The following SNX29 variants were observed in gnomAD, a reference collection of about 807,000 sequenced individuals.
SNX29 encodes sorting nexin-29.
SNX29 carries 78 observed loss-of-function variants against 102.1 expected under a neutral mutation model. The observed-to-expected ratio is 0.76, with a 90% CI of 0.64 to 0.92. The LOEUF is 0.92. Among genes scored for constraint, SNX29 ranks in the 40% least tolerant of loss-of-function variants. The pLI, the probability that SNX29 is intolerant of heterozygous loss-of-function variation, is 0.00. For missense variants in SNX29, 1,280 were observed against 1,061.7 expected (o/e 1.21, Z -2.86); for synonymous variants, 580 against 414.5 (o/e 1.40, Z -4.85).
chr16:12,458,379 G>C (rs571445870), intron 18 of SNX29, among the ~76,000 whole-genome samples: 1 of 152,308 alleles, frequency 6.6e-6, no homozygotes, highest in East Asian at 1.9e-4. Context: ...CGGAAACCTT[G>C]CCTGGTTGCA....
chr16:12,565,139 A>T (rs1038744410), intron 20 of SNX29, among the ~76,000 whole-genome samples: 1 of 149,960 alleles, frequency 6.7e-6, no homozygotes, highest in Admixed American at 6.6e-5. Flanking sequence ...ATTAGCCCCC[A>T]CTTCCTTTGC....
intron 13 of SNX29, among the ~76,000 whole-genome samples, chr16:12,150,413 C>G (rs540195201): frequency 1.1e-4 from 16 of 152,322 alleles, no homozygotes; most frequent in African/African-American, 3.8e-4. Flanking sequence ...GATGGATAAA[C>G]AAGATGTGAA....
At chr16:12,072,044 T>C (rs2051324493) in intron 10 of SNX29, among the ~76,000 whole-genome samples, 1 of 152,240 alleles carries the variant, frequency 6.6e-6, no homozygotes, top group Admixed American at 6.5e-5. Flanking sequence ...CTGAAGTTGC[T>C]TATCAGCTTA....
In SNX29 at chr16:12,568,340, G is replaced by C. The variant is rs78112350; in HGVS notation, c.2319-166G>C. 4.9e-3 allele frequency among the ~76,000 whole-genome samples: 738 copies of C among 151,040 alleles called. 9 individuals are homozygous for C. The highest frequency in any genetic ancestry group is 0.017 in the African/African-American group (702 of 41,106). On this transcript the variant is annotated intron_variant, in intron 20 of 20. Coordinates refer to ENST00000566228, the MANE Select transcript of SNX29 (RefSeq NM_032167.5). ...AAATGGAAAGGTTTACGTGACAATA[G>C]GGGTTTCTCATTTCTTCAGGTGGCA...
At chr16:11,990,748 G>A (rs1405638292) in intron 1 of SNX29, among the ~76,000 whole-genome samples, 1 of 152,142 alleles carries the variant, frequency 6.6e-6, no homozygotes, top group African/African-American at 2.4e-5. Context: ...GAGGGCAAGG[G>A]AAGATGGGAG....
chr16:12,101,179 C>T (rs149321908), intron 11 of SNX29, among the ~76,000 whole-genome samples: 32 of 152,178 alleles, frequency 2.1e-4, no homozygotes, highest in Admixed American at 3.9e-4. Context: ...GTTGTGCGTG[C>T]GCATCCTGAG....
intron 14 of SNX29, among the ~76,000 whole-genome samples, chr16:12,220,482 A>G (rs561026796): frequency 3.9e-4 from 60 of 152,236 alleles, no homozygotes; most frequent in African/African-American, 1.4e-3. Flanking sequence ...GTGACCTGCT[A>G]TGAGGCTGTG....
chr16:12,545,451 G>T (rs1034550415), intron 20 of SNX29: 7 of 152,250 alleles, frequency 4.6e-5, no homozygotes, highest in Admixed American at 6.5e-5. Context: ...TCCAGGGCTT[G>T]TGGACGGATA....
intron 19 of SNX29, among the ~76,000 whole-genome samples, chr16:12,503,239 C>G (rs1190641070): frequency 6.6e-6 from 1 of 152,168 alleles, no homozygotes; most frequent in Non-Finnish European, 1.5e-5. Context: ...CTGCGACGTT[C>G]CTTTTTGTGA....
chr16:12,540,188 G>A (rs898036419), intron 20 of SNX29, among the ~76,000 whole-genome samples: 1 of 152,088 alleles, frequency 6.6e-6, no homozygotes, highest in Non-Finnish European at 1.5e-5. Context: ...GGACTTTTGT[G>A]TCAGGTCCAA....
intron 13 of SNX29, among the ~76,000 whole-genome samples, chr16:12,157,088 A>G (rs1359094061): frequency 6.6e-6 from 1 of 152,114 alleles, no homozygotes; most frequent in African/African-American, 2.4e-5. Context: ...AGGAAAGGGG[A>G]TTTCTTGAGA....
At chr16:12,003,907 T>C (rs900056553) in intron 3 of SNX29, among the ~76,000 whole-genome samples, 1 of 151,850 alleles carries the variant, frequency 6.6e-6, no homozygotes, top group South Asian at 2.1e-4. Flanking sequence ...CTTGGGAGGC[T>C]GAGGCAGGAG....
At chr16:12,476,421 T>TATATAC (rs2087638772) in intron 18 of SNX29, among the ~76,000 whole-genome samples, 1 of 51,978 alleles carries the variant, frequency 1.9e-5, no homozygotes, top group Non-Finnish European at 3.8e-5. Context: ...TACATATATA[T>TATATAC]ATATATATAT....
intron 19 of SNX29, among the ~76,000 whole-genome samples, chr16:12,516,701 G>C (rs921447677): frequency 1.3e-5 from 2 of 152,130 alleles, no homozygotes; most frequent in African/African-American, 4.8e-5. Context: ...GATGTTCCTT[G>C]ATGAAAAGAA....
Position 12,295,421 on chromosome 16 carries a change from T to C in SNX29, c.1782+17385T>C, listed in dbSNP as rs187425783. Among the ~76,000 whole-genome samples the C allele has an allele frequency of 7.9e-5, 12 of 152,386 alleles. No individual in the cohort carries two copies. The East Asian group carries it at 2.3e-3, about 29-fold the overall frequency. ...CAAGTCGCCCACCACTTTCTTAGTT[T>C]TGTTTTTGAGAAAACAACTCTCACA... On this transcript the variant is annotated intron_variant, in intron 15 of 20. Transcript: ENST00000566228.
At position 12,568,584 on chromosome 16, in the gene SNX29, GC is replaced by G; in HGVS notation, c.2401del (p.Arg801GlyfsTer43). 2 of 1,606,966 alleles carry G rather than the reference GC, an allele frequency of 1.2e-6. No homozygotes were observed. On this transcript the variant is annotated frameshift_variant, in exon 21 of 21. Coordinates refer to ENST00000566228, the MANE Select transcript of SNX29 (RefSeq NM_032167.5). LOFTEE classifies it high-confidence loss of function. ...SRFPKLSRGQ[P>X]RETRNVEPQS... Reference sequence around the variant, plus strand: ...GCTTCCCCAAACTGTCCCGGGGTCAGCCCCGGGAGACCCGCAACGTGGAGCC... The same window carrying G: ...GCTTCCCCAAACTGTCCCGGGGTCAGCCCGGGAGACCCGCAACGTGGAGCC...
intron 18 of SNX29, among the ~76,000 whole-genome samples, chr16:12,411,375 C>G (rs1204038517): frequency 6.6e-6 from 1 of 152,192 alleles, no homozygotes; most frequent in Non-Finnish European, 1.5e-5. Context: ...GCTTTCCACC[C>G]CGGCGTTCTG....
In SNX29 at chr16:12,559,356, G is replaced by C. The variant is rs143471850; in HGVS notation, c.2319-9150G>C. On this transcript the variant is annotated intron_variant, in intron 20 of 20. Coordinates refer to ENST00000566228, the MANE Select transcript of SNX29 (RefSeq NM_032167.5). ...GATCTAGGCTGCATGCTACTTACGAGAATCTCATGCCTGATGATCTCTCAC... is the reference window on the plus strand; with the variant it reads ...GATCTAGGCTGCATGCTACTTACGACAATCTCATGCCTGATGATCTCTCAC... Among the ~76,000 whole-genome samples, 322 of 151,744 alleles carry C rather than the reference G, an allele frequency of 2.1e-3. 1 individual carries two copies. Among genetic ancestry groups the C allele is most frequent in the African/African-American group, 7.5e-3 (309 of 41,336 alleles).
intron 3 of SNX29, among the ~76,000 whole-genome samples, chr16:12,023,455 G>A (rs989537646): frequency 1.3e-5 from 2 of 149,584 alleles, no homozygotes; most frequent in Non-Finnish European, 3.0e-5. Flanking sequence ...GTGCATGCCT[G>A]TAGTCTCAGT....
Sources: allele counts gnomAD v4.1 joint callset (sites outside exome capture counted in the v4.1 genomes callset), GRCh38; gene constraint gnomAD v4.1.1; transcripts MANE v1.5; gene names NCBI Gene and HGNC (gene_info 2026-07-23, HGNC 2026-07-21).